Variants in MGAT4A observed in about 807,000 individuals in gnomAD.
MGAT4A encodes the protein N-acetylglucosaminyltransferase IVa.
Under a neutral mutation model 74.1 loss-of-function variants are expected in MGAT4A, and 33 were observed. The ratio of observed to expected loss-of-function variants is 0.45; its 90% confidence interval spans 0.34 to 0.60. The LOEUF is 0.60. Among genes scored for constraint, MGAT4A ranks in the 20% least tolerant of loss-of-function variants. MGAT4A has a pLI of 0.02. For missense variants in MGAT4A, 479 were observed against 628.3 expected (o/e 0.76, Z 2.54); for synonymous variants, 198 against 210.4 (o/e 0.94, Z 0.51).
At chr2:98,634,151 G>T (rs1217592606) in intron 14 of MGAT4A, among the ~76,000 whole-genome samples, 1 of 152,088 alleles carries the variant, frequency 6.6e-6, no homozygotes, top group Non-Finnish European at 1.5e-5. Flanking sequence ...CAAGTGACAG[G>T]CCCTGTGTTA....
In MGAT4A at chr2:98,645,546, G is replaced by C. The variant is rs1701471831; in HGVS notation, c.775-4C>G. The C allele has an allele frequency of 6.5e-6, 10 of 1,539,316 alleles. No homozygotes were observed. Among genetic ancestry groups the C allele is most frequent in the Admixed American group, 2.2e-5 (1 of 45,496 alleles). ...TGACAATAATATCATCTTCAAGCTAGAGAAAATTGAACAATCATATTAATA... is the reference window on the plus strand; with the variant it reads ...TGACAATAATATCATCTTCAAGCTACAGAAAATTGAACAATCATATTAATA... On this transcript the variant is annotated splice_region_variant and splice_polypyrimidine_tract_variant and intron_variant, in intron 8 of 15. Coordinates refer to ENST00000393487, the MANE Select transcript of MGAT4A (RefSeq NM_012214.3).
chr2:98,678,247 A>ATAT (rs1259884597), intron 3 of MGAT4A, 57 bp downstream of exon 3: 583 of 345,186 alleles, frequency 1.7e-3, no homozygotes, highest in African/African-American at 0.016. Flanking sequence ...AAAAAAAAAA[A>ATAT]AAATATATAT....
At chr2:98,699,921 G>A (rs1299705365) in intron 2 of MGAT4A, among the ~76,000 whole-genome samples, 1 of 152,130 alleles carries the variant, frequency 6.6e-6, no homozygotes, top group Non-Finnish European at 1.5e-5. Flanking sequence ...TAGAGCACAT[G>A]GCCCACCACA....
chr2:98,621,643 G>A lies in MGAT4A; in HGVS notation c.*3923C>T. 6.9e-7 allele frequency: 1 copy of A among 1,458,074 alleles called. No homozygotes were observed. The highest frequency in any genetic ancestry group is 9.1e-7 in the Non-Finnish European group (1 of 1,102,820). 90.3% of individuals were successfully genotyped at this position (1,458,074 alleles called of 1,614,324 possible). On this transcript the variant is annotated 3_prime_UTR_variant, in exon 16 of 16. Coordinates refer to ENST00000393487, the MANE Select transcript of MGAT4A (RefSeq NM_012214.3). ...GATATTATACAAGGTCATTGGTGGG[G>A]GTGTCAGTAGGGGTCATTCTTAGAA...
chr2:98,713,877 T>C (rs1240398245), intron 2 of MGAT4A, among the ~76,000 whole-genome samples: 2 of 152,116 alleles, frequency 1.3e-5, no homozygotes, highest in Non-Finnish European at 2.9e-5. Context: ...ATAAATAACA[T>C]AACCACACGG....
At chr2:98,713,185 CAAAAAAAAAAA>C (rs139508612) in intron 2 of MGAT4A, among the ~76,000 whole-genome samples, 1 of 54,220 alleles carries the variant, frequency 1.8e-5, no homozygotes, top group African/African-American at 6.7e-5. Flanking sequence ...GATCATGTCT[CAAAAAAAAAAA>C]AAAAAAAAAA....
In MGAT4A at chr2:98,620,160, A is replaced by G. The variant is rs1051847284; in HGVS notation, c.*5406T>C. ...TGTTGATACAGATATGTATAACAAA[A>G]TCCTCAGTTTGGTTGGGTCTTTAAA... is the stretch of plus-strand genomic sequence containing the variant. On this transcript the variant is annotated 3_prime_UTR_variant, in exon 16 of 16. Transcript: ENST00000393487. The G allele has an allele frequency of 2.0e-5, 3 of 152,208 alleles. No individual in the cohort carries two copies. Among genetic ancestry groups the G allele is most frequent in the Non-Finnish European group, 4.4e-5 (3 of 68,028 alleles). The allele number at this position is 152,208 out of a possible 1,614,324, so 9.4% of individuals were successfully genotyped here.
chr2:98,673,764 TATGA>T (rs1347159367), intron 4 of MGAT4A, among the ~76,000 whole-genome samples: 3 of 152,202 alleles, frequency 2.0e-5, no homozygotes, highest in African/African-American at 7.2e-5. Flanking sequence ...TTGATACTCT[TATGA>T]ATGAAGAAAT....
intron 14 of MGAT4A, among the ~76,000 whole-genome samples, chr2:98,631,537 C>A (rs976374895): frequency 1.3e-5 from 2 of 152,186 alleles, no homozygotes; most frequent in African/African-American, 4.8e-5. Context: ...AGTGGCTGGA[C>A]GTGGAGGGGA....
chr2:98,631,688 G>T (rs1462146485), intron 14 of MGAT4A, among the ~76,000 whole-genome samples: 1 of 152,176 alleles, frequency 6.6e-6, no homozygotes, highest in Non-Finnish European at 1.5e-5. Flanking sequence ...CTCCCTTCTG[G>T]CTCCCCCATG....
At position 98,658,228 on chromosome 2, in the gene MGAT4A, G is replaced by A; in HGVS notation, c.574C>T (p.Leu192=). 1 of 1,574,474 alleles carries A rather than the reference G, an allele frequency of 6.4e-7. No individual in the cohort carries two copies. Among genetic ancestry groups the A allele is most frequent in the Non-Finnish European group, 8.7e-7 (1 of 1,154,068 alleles). Residue 192 remains leucine, a synonymous_variant, in exon 6 of 16, where the codon CTG becomes TTG. Transcript: ENST00000393487. ...IDYVHGVVAN[L]EKEFSKEISS... is the part of the protein sequence containing the mutation. The stretch of plus-strand genomic sequence containing the variant: ...TTAAGAAGAACTTACTCTTTCTCCA[G>A]GTTGGCTACAACACCATGTACATAA...
rs1287360456 is a variant in MGAT4A, at chr2:98,625,471, G to C, written c.*95C>G. On this transcript the variant is annotated 3_prime_UTR_variant, in exon 16 of 16. Transcript: ENST00000393487. ...GTCTTATCTACAGTAGACTTCACAA[G>C]AGGTAGTGTTCAAGTAGAAATAAAA... 1.9e-6 allele frequency: 3 copies of C among 1,561,458 alleles called. No homozygotes were observed. The African/African-American group carries it at 4.2e-5, about 22-fold the overall frequency.
intron 10 of MGAT4A, among the ~76,000 whole-genome samples, chr2:98,640,775 T>C (rs1459288004): frequency 6.6e-6 from 1 of 152,080 alleles, no homozygotes; most frequent in Non-Finnish European, 1.5e-5. Context: ...AAGGGAAGAG[T>C]GAAGGATTTA....
At chr2:98,680,813 T>A (rs1035993860) in intron 2 of MGAT4A, among the ~76,000 whole-genome samples, 3 of 152,194 alleles carry the variant, frequency 2.0e-5, no homozygotes, top group Non-Finnish European at 2.9e-5. Context: ...TAAACAATTA[T>A]AAGAAGAGAC....
chr2:98,714,033 T>A (rs916265944), intron 2 of MGAT4A, among the ~76,000 whole-genome samples: 2 of 152,250 alleles, frequency 1.3e-5, no homozygotes, highest in Non-Finnish European at 2.9e-5. Context: ...ATTCTGAAAC[T>A]ACTGTACATA....
At chr2:98,653,978 A>T (rs926756236) in intron 8 of MGAT4A, among the ~76,000 whole-genome samples, 1 of 152,204 alleles carries the variant, frequency 6.6e-6, no homozygotes, top group African/African-American at 2.4e-5. Context: ...AGTGGGATTT[A>T]TACCTGCAAT....
At chr2:98,708,547 T>C (rs1038698397) in intron 2 of MGAT4A, among the ~76,000 whole-genome samples, 2 of 152,184 alleles carry the variant, frequency 1.3e-5, no homozygotes, top group African/African-American at 2.4e-5. Context: ...TTACACTTAG[T>C]AACAAAACAA....
chr2:98,630,736 T>C (rs1575239972), intron 14 of MGAT4A, among the ~76,000 whole-genome samples: 2 of 152,180 alleles, frequency 1.3e-5, no homozygotes, highest in Non-Finnish European at 2.9e-5. Flanking sequence ...TATTTATGCA[T>C]ACAATACTCC....
At chr2:98,656,507 A>T in intron 6 of MGAT4A, 42 bp from the exon 7 acceptor site, 1 of 1,343,678 alleles carries the variant, frequency 7.4e-7, no homozygotes, top group Non-Finnish European at 1.1e-6. Context: ...GTTCTGTGGG[A>T]TTTTATTTAT....
Sources: allele counts gnomAD v4.1 joint callset (sites outside exome capture counted in the v4.1 genomes callset), GRCh38; gene constraint gnomAD v4.1.1; transcripts MANE v1.5; gene names NCBI Gene and HGNC (gene_info 2026-07-23, HGNC 2026-07-21).